Variants in COG7 observed in about 807,000 individuals in gnomAD.
COG7 encodes conserved oligomeric Golgi complex subunit 7.
In COG7, 49 loss-of-function variants were observed where a neutral mutation model predicts 91.5. The ratio of observed to expected loss-of-function variants is 0.54; its 90% confidence interval spans 0.43 to 0.68. COG7 has a LOEUF of 0.68. COG7 is among the 30% of genes least tolerant of loss of function. The probability of loss-of-function intolerance (pLI) is 0.00; values close to 1 mark genes in which losing one functional copy is unlikely to be tolerated. For synonymous variants in COG7, 365 were observed against 388.7 expected (o/e 0.94, Z 0.72); for missense variants, 895 against 961.3 (o/e 0.93, Z 0.91).
chr16:23,444,138 A>C (rs1053476360), intron 3 of COG7, among the ~76,000 whole-genome samples: 1 of 151,810 alleles, frequency 6.6e-6, no homozygotes, highest in Admixed American at 6.6e-5. Context: ...ACTCCGTTTC[A>C]AAAGAAAAAA....
chr16:23,403,542 G>C (rs1963411118), intron 13 of COG7, 152 bp downstream of exon 13: 1 of 858,392 alleles, frequency 1.2e-6, no homozygotes, highest in African/African-American at 1.7e-5. Flanking sequence ...TAAGCAATGA[G>C]GTGAAATTGG....
Position 23,453,092 on chromosome 16 carries a change from T to A in COG7, c.-98A>T. ...AGCGAGCCTGCGAGAGCACCGAGGC[T>A]AGCCTCCGAGGCGAACCCCAGAAAC... is the stretch of plus-strand genomic sequence containing the variant. On this transcript the variant is annotated 5_prime_UTR_variant, in exon 1 of 17. Transcript: ENST00000307149. 1 of 1,572,816 alleles carries A rather than the reference T, an allele frequency of 6.4e-7. No homozygotes were observed. Among genetic ancestry groups the A allele is most frequent in the South Asian group, 1.1e-5 (1 of 87,180 alleles).
At chr16:23,432,336 T>C (rs370454965) in intron 6 of COG7, among the ~76,000 whole-genome samples, 1 of 152,040 alleles carries the variant, frequency 6.6e-6, no homozygotes, top group African/African-American at 2.4e-5. Flanking sequence ...TTCACAACTA[T>C]AGTAAAAAAT....
chr16:23,410,314 C>T lies in COG7; in HGVS notation c.1456G>A (p.Glu486Lys), dbSNP rs781068033. The T allele has an allele frequency of 6.8e-6, 11 of 1,613,922 alleles. No homozygotes were observed. Among genetic ancestry groups the T allele is most frequent in the East Asian group, 2.2e-5 (1 of 44,894 alleles). Residue 486 changes from glutamate (E) to lysine (K), a missense_variant, in exon 11 of 17, where the codon GAG (glutamate) becomes AAG (lysine). Coordinates refer to ENST00000307149, the MANE Select transcript of COG7 (RefSeq NM_153603.4). Reference protein sequence around the residue: ...GELLRHCGDFEQQLANRILST... With the variant: ...GELLRHCGDFKQQLANRILST... ...TCCTACCTGTTGGCTAGCTGCTGCTCGAAGTCCCCACAATGCCGCAAAAGC... is the reference window on the plus strand; with the variant it reads ...TCCTACCTGTTGGCTAGCTGCTGCTTGAAGTCCCCACAATGCCGCAAAAGC...
chr16:23,428,084 T>C (rs1002990747), intron 6 of COG7, among the ~76,000 whole-genome samples: 3 of 152,138 alleles, frequency 2.0e-5, no homozygotes, highest in East Asian at 3.9e-4. Flanking sequence ...GGCTGCAGCA[T>C]GAGAATCACT....
At chr16:23,442,359 G>C in intron 4 of COG7, 118 bp downstream of exon 4, 1 of 850,430 alleles carries the variant, frequency 1.2e-6, no homozygotes, top group South Asian at 1.5e-5. Flanking sequence ...AAAAATTACA[G>C]AGTTCCTTCT....
Position 23,445,028 on chromosome 16 carries a change from C to G in COG7, c.435+20G>C. On this transcript the variant is annotated intron_variant, in intron 3 of 16. Transcript: ENST00000307149. Reference sequence around the variant, plus strand: ...CTTGCTTAAATACCTTTCATAACATCCCCTAAACAAGAAACCTACCTGAGT... The same window carrying G: ...CTTGCTTAAATACCTTTCATAACATGCCCTAAACAAGAAACCTACCTGAGT... 6.5e-7 allele frequency: 1 copy of G among 1,540,254 alleles called. No individual in the cohort carries two copies. The highest frequency in any genetic ancestry group is 9.0e-7 in the Non-Finnish European group (1 of 1,112,542).
chr16:23,432,013 G>A (rs923999251), intron 6 of COG7, among the ~76,000 whole-genome samples: 1 of 151,838 alleles, frequency 6.6e-6, no homozygotes, highest in Non-Finnish European at 1.5e-5. Flanking sequence ...CAGGCATGGT[G>A]GCACATACGT....
rs1396262758 is a variant in COG7 at position 23,425,703 on chromosome 16, T to C, written c.811-756A>G. Among the ~76,000 whole-genome samples the C allele has an allele frequency of 2.0e-5, 3 of 152,126 alleles. No individual in the cohort carries two copies. The South Asian group carries it at 6.2e-4, about 31-fold the overall frequency. On this transcript the variant is annotated intron_variant, in intron 6 of 16. Transcript: ENST00000307149. Reference sequence around the variant, plus strand: ...TCTCAAAAGGATCTCCCCTGATAGATGAAAAGTGATCTAGTTTAGAGCTAT... The same window carrying C: ...TCTCAAAAGGATCTCCCCTGATAGACGAAAAGTGATCTAGTTTAGAGCTAT...
rs545814839 is a variant in COG7 at position 23,443,956 on chromosome 16, A to G, written c.435+1092T>C. ...CACCTGAGGTCAGTAGTTCAAGACC[A>G]GCCTGGCCAACATGGTGAAATCCCA... is the stretch of plus-strand genomic sequence containing the variant. On this transcript the variant is annotated intron_variant, in intron 3 of 16. Transcript: ENST00000307149. 1.8e-4 allele frequency among the ~76,000 whole-genome samples: 28 copies of G among 152,148 alleles called. 1 individual carries two copies. The highest frequency in any genetic ancestry group is 1.7e-3 in the South Asian group (8 of 4,822).
intron 4 of COG7, among the ~76,000 whole-genome samples, chr16:23,436,076 G>A (rs1278016583): frequency 1.3e-5 from 2 of 151,942 alleles, no homozygotes; most frequent in East Asian, 3.9e-4. Flanking sequence ...ACAAAAAATA[G>A]AAAAAATTAG....
In COG7 at chr16:23,453,127, G is replaced by T; in HGVS notation, c.-133C>A. 1 of 1,491,520 alleles carries T rather than the reference G, an allele frequency of 6.7e-7. No individual in the cohort carries two copies. 92.4% of individuals were successfully genotyped at this position (1,491,520 alleles called of 1,614,324 possible). ...GGCGAACCCCAGAAACGCCAGGACGGGTAACTTGCCCCTTTGCGCTTCCCC... is the reference window on the plus strand; with the variant it reads ...GGCGAACCCCAGAAACGCCAGGACGTGTAACTTGCCCCTTTGCGCTTCCCC... On this transcript the variant is annotated 5_prime_UTR_variant, in exon 1 of 17. Transcript: ENST00000307149.
At chr16:23,397,904 G>C in intron 14 of COG7, 142 bp downstream of exon 14, 1 of 710,610 alleles carries the variant, frequency 1.4e-6, no homozygotes, top group South Asian at 1.6e-5. Context: ...TCCAGGATCT[G>C]GGTGCAGACT....
At position 23,442,471 on chromosome 16, in the gene COG7, A is replaced by T; in HGVS notation, c.604+6T>A. ...TACACAGAGATGAGAAGCAGCTAGC[A>T]CTCACCTACAGCCTGAGAGGTGAAT... is the stretch of plus-strand genomic sequence containing the variant. On this transcript the variant is annotated splice_donor_region_variant and intron_variant, in intron 4 of 16. Transcript: ENST00000307149. The T allele has an allele frequency of 6.2e-7, 1 of 1,613,672 alleles. No individual in the cohort carries two copies. The highest frequency in any genetic ancestry group is 8.5e-7 in the Non-Finnish European group (1 of 1,179,848).
intron 11 of COG7, 33 bp downstream of exon 11, chr16:23,410,262 A>G: frequency 1.3e-6 from 2 of 1,591,132 alleles, no homozygotes; most frequent in Non-Finnish European, 1.7e-6. Flanking sequence ...CAGGAACCCC[A>G]GGGTGTAGAG....
chr16:23,391,608 G>A (rs937668957), intron 16 of COG7, among the ~76,000 whole-genome samples: 2 of 152,246 alleles, frequency 1.3e-5, no homozygotes, highest in African/African-American at 2.4e-5. Context: ...CACTGAGGAC[G>A]AAGCTCTGGC....
At chr16:23,398,188 C>T (rs1963316180) in intron 13 of COG7, 59 bp from the exon 14 acceptor site, 1 of 1,378,942 alleles carries the variant, frequency 7.3e-7, no homozygotes, top group Non-Finnish European at 1.0e-6. Context: ...TGTGAAGACG[C>T]CACCCAGAAA....
intron 7 of COG7, among the ~76,000 whole-genome samples, chr16:23,419,666 T>C (rs1963720277): frequency 1.4e-5 from 2 of 147,482 alleles, no homozygotes; most frequent in African/African-American, 2.5e-5. Flanking sequence ...GGAGAATTGC[T>C]TGAACCCAGG....
intron 4 of COG7, among the ~76,000 whole-genome samples, chr16:23,441,541 C>T (rs978628945): frequency 3.9e-5 from 6 of 152,070 alleles, no homozygotes; most frequent in South Asian, 2.1e-4. Context: ...CGCCACTGCA[C>T]GCCAGCATGG....
Sources: gnomAD v4.1 joint callset for allele counts (sites outside exome capture counted in the v4.1 genomes callset) on GRCh38, gnomAD v4.1.1 for gene constraint, MANE v1.5 for transcripts, NCBI Gene and HGNC (gene_info 2026-07-23, HGNC 2026-07-21) for gene names.